FAM13A: variants seen among roughly 807,000 people sequenced by gnomAD.
The protein encoded by FAM13A is protein FAM13A.
Under a neutral mutation model 129.6 loss-of-function variants are expected in FAM13A, and 76 were observed. The ratio of observed to expected loss-of-function variants is 0.59; its 90% CI spans 0.49 to 0.71. The LOEUF is 0.71. Ranked by LOEUF, FAM13A falls within the 30% of genes least tolerant of loss-of-function variation. The pLI is 0.00. For missense variants in FAM13A, 1,108 were observed against 1,249.3 expected (o/e 0.89, Z 1.70); for synonymous variants, 443 against 449.9 (o/e 0.98, Z 0.20).
At chr4:88,749,695 T>A in intron 16 of FAM13A, 76 bp downstream of exon 16, 2 of 1,516,724 alleles carry the variant, frequency 1.3e-6, no homozygotes, top group Non-Finnish European at 1.8e-6. Context: ...CCTTTCGTCG[T>A]TTCTTTGAGT....
intron 7 of FAM13A, among the ~76,000 whole-genome samples, chr4:88,832,955 A>G (rs878984835): frequency 3.9e-5 from 6 of 152,182 alleles, no homozygotes; most frequent in African/African-American, 1.4e-4. Flanking sequence ...CACTATTCAC[A>G]ATAGCAAAGA....
At chr4:88,748,300 AATT>A (rs1741818970) in intron 17 of FAM13A, among the ~76,000 whole-genome samples, 1 of 152,180 alleles carries the variant, frequency 6.6e-6, no homozygotes, top group Admixed American at 6.5e-5. Flanking sequence ...GAAATCCCTG[AATT>A]ATTATGTAAA....
At chr4:88,966,264 T>C (rs1254423237) in intron 4 of FAM13A, among the ~76,000 whole-genome samples, 4 of 152,182 alleles carry the variant, frequency 2.6e-5, no homozygotes, top group African/African-American at 9.6e-5. Context: ...CATTAGACCC[T>C]TGTGAGCTAC....
At chr4:88,986,797 A>C (rs1579635214) in intron 4 of FAM13A, among the ~76,000 whole-genome samples, 1 of 152,380 alleles carries the variant, frequency 6.6e-6, no homozygotes, top group East Asian at 1.9e-4. Flanking sequence ...ATATGAAATC[A>C]AAGTTGTTAA....
intron 6 of FAM13A, among the ~76,000 whole-genome samples, chr4:88,900,972 A>G (rs1263924435): frequency 3.3e-5 from 5 of 152,182 alleles, no homozygotes; most frequent in African/African-American, 1.2e-4. Context: ...AATGGAAAAC[A>G]GAAAAAGCAG....
intron 11 of FAM13A, 141 bp downstream of exon 11, chr4:88,781,024 T>A (rs565706287): frequency 6.3e-5 from 27 of 426,640 alleles, no homozygotes; most frequent in African/African-American, 5.3e-4. Context: ...GAAATACAAA[T>A]ATATATACAC....
At chr4:88,981,831 T>C (rs1250047552) in intron 4 of FAM13A, among the ~76,000 whole-genome samples, 2 of 152,198 alleles carry the variant, frequency 1.3e-5, no homozygotes, top group Non-Finnish European at 1.5e-5. Flanking sequence ...ATGTGTTCCA[T>C]GGGAAGAACA....
intron 4 of FAM13A, among the ~76,000 whole-genome samples, chr4:88,954,316 T>C (rs1260841610): frequency 6.6e-6 from 1 of 152,198 alleles, no homozygotes; most frequent in East Asian, 1.9e-4. Context: ...CAGAGATGCA[T>C]AGGAGAATGC....
At chr4:88,915,996 T>G (rs1563689) in intron 5 of FAM13A, among the ~76,000 whole-genome samples, 113,693 of 151,588 alleles carry the variant, frequency 0.75, 42,921 homozygotes, top group Non-Finnish European at 0.79. Context: ...TTCTTGTACA[T>G]CCTGCAGAAC....
In FAM13A at chr4:88,980,461, C is replaced by G. The variant is rs575941789; in HGVS notation, c.605+10512G>C. ...ACAAGTGGCAGTAGGATTGCCAGCA[C>G]AGAACTACAGGCAATGAAGTAGGTG... On this transcript the variant is annotated intron_variant, in intron 4 of 23. Transcript: ENST00000264344. 2.4e-4 allele frequency among the ~76,000 whole-genome samples: 37 copies of G among 152,328 alleles called. No individual in the cohort carries two copies. The South Asian group carries it at 3.1e-3, about 13-fold the overall frequency.
intron 6 of FAM13A, among the ~76,000 whole-genome samples, chr4:88,872,952 G>A (rs1561216106): frequency 6.6e-6 from 1 of 152,124 alleles, no homozygotes; most frequent in Non-Finnish European, 1.5e-5. Flanking sequence ...TCAAACCACA[G>A]TGCAATCAAA....
chr4:88,801,632 A>G (rs1727473802), intron 8 of FAM13A, among the ~76,000 whole-genome samples: 1 of 152,200 alleles, frequency 6.6e-6, no homozygotes, highest in Admixed American at 6.5e-5. Flanking sequence ...TTAGAGCCCA[A>G]TGAACAAAAC....
At chr4:88,746,687 A>C (rs1239935052) in intron 19 of FAM13A, among the ~76,000 whole-genome samples, 1 of 152,116 alleles carries the variant, frequency 6.6e-6, no homozygotes, top group Non-Finnish European at 1.5e-5. Flanking sequence ...TTAATGACTA[A>C]ATTTTAGTTG....
At chr4:89,014,528 G>A (rs542979149) in intron 3 of FAM13A, among the ~76,000 whole-genome samples, 5 of 152,278 alleles carry the variant, frequency 3.3e-5, no homozygotes, top group Non-Finnish European at 7.4e-5. Flanking sequence ...CAGGGATCCC[G>A]AATGGAGGGA....
rs1737944997 is a variant in FAM13A at position 88,732,061 on chromosome 4, A to G, written c.2784T>C (p.Asp928=). 2 of 1,614,088 alleles carry G rather than the reference A, an allele frequency of 1.2e-6. No homozygotes were observed. Among genetic ancestry groups the G allele is most frequent in the Non-Finnish European group, 1.7e-6 (2 of 1,179,958 alleles). Residue 928 remains aspartate (D), a synonymous_variant, in exon 22 of 24, where the codon GAT becomes GAC. Coordinates refer to ENST00000264344, the MANE Select transcript of FAM13A (RefSeq NM_014883.4). ...DADGFISPMD[D]KIPSKCSQDT... ...CCTGGCTGCATTTTGATGGTATTTT[A>G]TCATCCATTGGGGAAATAAATCCAT...
At chr4:88,963,583 C>A (rs926866807) in intron 4 of FAM13A, among the ~76,000 whole-genome samples, 3 of 152,268 alleles carry the variant, frequency 2.0e-5, no homozygotes, top group African/African-American at 7.2e-5. Context: ...CAGGCATGAG[C>A]CACTGCACCC....
rs775663825 is a variant in FAM13A at position 89,029,492 on chromosome 4, A to G, written c.185T>C (p.Val62Ala). 1 of 1,595,944 alleles carries G rather than the reference A, an allele frequency of 6.3e-7. No individual in the cohort carries two copies. ...CGTCAAATATTCCACTATATTCCAC[A>G]CTACTGCTGGAATGCCATTCTCGGT... ...GLTENGIPAV[V>A]WNIVEYLTQH... Residue 62 changes from valine (V) to alanine (A), a missense_variant, in exon 2 of 24, where the codon GTG becomes GCG. By Grantham distance (64) the Val-to-Ala change is moderately conservative. Coordinates refer to ENST00000264344, the MANE Select transcript of FAM13A (RefSeq NM_014883.4).
intron 6 of FAM13A, among the ~76,000 whole-genome samples, chr4:88,861,215 T>C (rs1008695865): frequency 1.3e-5 from 2 of 151,870 alleles, no homozygotes; most frequent in African/African-American, 4.8e-5. Context: ...ACCCCATCTC[T>C]ACTAAAAATA....
intron 14 of FAM13A, among the ~76,000 whole-genome samples, chr4:88,754,383 T>G (rs1217855886): frequency 6.6e-6 from 1 of 152,214 alleles, no homozygotes; most frequent in Non-Finnish European, 1.5e-5. Flanking sequence ...AACGCTAACA[T>G]GGTCACTGGG....
Sources: allele counts gnomAD v4.1 joint callset (sites outside exome capture counted in the v4.1 genomes callset), GRCh38; gene constraint gnomAD v4.1.1; transcripts MANE v1.5; gene names NCBI Gene and HGNC (gene_info 2026-07-23, HGNC 2026-07-21).